Variants in ZNF665 observed in about 807,000 individuals in gnomAD.
ZNF665 encodes zinc finger protein 665.
In ZNF665, 6 loss-of-function variants were observed where a neutral mutation model predicts 7.9. That is an observed-to-expected ratio of 0.76 (90% confidence interval 0.42 to 1.50). ZNF665 has a LOEUF of 1.50. Ranked by LOEUF, ZNF665 falls within the 40% of genes most tolerant of loss-of-function variation. ZNF665 has a pLI of 0.01. For synonymous variants in ZNF665, 242 were observed against 274.5 expected, an observed-to-expected ratio of 0.88 and a Z score of 1.17; for missense variants, 819 against 806.7, an observed-to-expected ratio of 1.02 and a Z score of -0.18.
chr19:53,167,020 G>C (rs550392374), intron 3 of ZNF665, among the ~76,000 whole-genome samples: 4 of 146,486 alleles, frequency 2.7e-5, no homozygotes, highest in East Asian at 2.0e-4. Context: ...TCTTTTTTTT[G>C]AGAAGGACTT....
At position 53,166,386 on chromosome 19, in the gene ZNF665, T is replaced by G. The variant is rs191726004; in HGVS notation, c.143-39A>C. ...ACAACCATAGATTTCCAGTTAACTA[T>G]AGTAGGTAAATAACTATTTCCCATT... On this transcript the variant is annotated intron_variant, in intron 3 of 3. Transcript: ENST00000396424. 38 of 1,485,930 alleles carry G rather than the reference T, an allele frequency of 2.6e-5. No homozygotes were observed. In the African/African-American group the frequency reaches 4.8e-4, roughly 19 times the overall value. 92.0% of individuals were successfully genotyped at this position (1,485,930 alleles called of 1,614,324 possible).
chr19:53,185,514 A>C (rs959370024), intron 1 of ZNF665, among the ~76,000 whole-genome samples: 2 of 152,110 alleles, frequency 1.3e-5, no homozygotes, highest in African/African-American at 4.8e-5. Flanking sequence ...TTCATATATA[A>C]TCATAACTAA....
chr19:53,185,435 G>A (rs538942805), intron 1 of ZNF665, among the ~76,000 whole-genome samples: 2 of 152,202 alleles, frequency 1.3e-5, no homozygotes, highest in East Asian at 3.9e-4. Flanking sequence ...CCTAGGCTAT[G>A]ATTACAGAGG....
intron 1 of ZNF665, among the ~76,000 whole-genome samples, chr19:53,184,161 G>C (rs1472871191): frequency 6.6e-6 from 1 of 151,938 alleles, no homozygotes; most frequent in Non-Finnish European, 1.5e-5. Flanking sequence ...GAGGTAGGAG[G>C]ATGGCTTGAG....
At chr19:53,166,767 C>A (rs769221221) in intron 3 of ZNF665, among the ~76,000 whole-genome samples, 2 of 152,058 alleles carry the variant, frequency 1.3e-5, no homozygotes, top group East Asian at 1.9e-4. Flanking sequence ...ACATGATATA[C>A]TCTAATGGCA....
intron 3 of ZNF665, among the ~76,000 whole-genome samples, chr19:53,173,962 G>A (rs1355474511): frequency 2.6e-5 from 4 of 152,148 alleles, no homozygotes; most frequent in Non-Finnish European, 1.5e-5. Flanking sequence ...CCCACAAACT[G>A]TCACAAAGTG....
chr19:53,165,587 T>G lies in ZNF665; in HGVS notation c.903A>C (p.Gln301His). 6.2e-7 allele frequency: 1 copy of G among 1,614,140 alleles called. No individual in the cohort carries two copies. Among genetic ancestry groups the G allele is most frequent in the Non-Finnish European group, 8.5e-7 (1 of 1,180,018 alleles). Residue 301 changes from glutamine (Q) to histidine (H), a missense_variant, in exon 4 of 4, where the codon CAA (glutamine) becomes CAC (histidine). Gln to His is a conservative substitution (Grantham distance 24). Coordinates refer to ENST00000396424, the MANE Select transcript of ZNF665 (RefSeq NM_024733.5). ...TTCGATGACTTGCAAGGTGTGAATT[T>G]TGAGTGAAGCACTTGCCACATTCCT... ...KCKECGKCFT[Q>H]NSHLASHRRI...
chr19:53,189,749 T>G (rs9630862), intron 1 of ZNF665, among the ~76,000 whole-genome samples: 3 of 144,956 alleles, frequency 2.1e-5, no homozygotes, highest in Non-Finnish European at 4.6e-5. Context: ...GGTGGAGGAG[T>G]AGAGTCTTCT....
intron 1 of ZNF665, among the ~76,000 whole-genome samples, chr19:53,185,345 G>A (rs981666155): frequency 8.5e-5 from 13 of 152,092 alleles, no homozygotes; most frequent in Non-Finnish European, 1.8e-4. Context: ...GTCCGGGCAT[G>A]ACAGAGGGTT....
intron 3 of ZNF665, among the ~76,000 whole-genome samples, chr19:53,168,012 T>C (rs148280937): frequency 0.036 from 4,680 of 130,538 alleles, 301 homozygotes; most frequent in African/African-American, 0.13. Flanking sequence ...GCCGAGATTG[T>C]GCCATTGCAC....
Position 53,164,502 on chromosome 19 carries a change from A to C in ZNF665, c.1988T>G (p.Phe663Cys), listed in dbSNP as rs1218430035. Reference sequence around the variant, plus strand: ...TTTTGCAAGGTTTGAATTTTGAGTAAAGACCTTGCCACATTGGTTACATTT... The same window carrying C: ...TTTTGCAAGGTTTGAATTTTGAGTACAGACCTTGCCACATTGGTTACATTT... ...PYKCNQCGKV[F>C]TQNSNLAKHR... Residue 663 changes from phenylalanine to cysteine, a missense_variant, in exon 4 of 4, where the codon TTT (phenylalanine) becomes TGT (cysteine). Transcript: ENST00000396424. 6 of 1,608,194 alleles carry C rather than the reference A, an allele frequency of 3.7e-6. No homozygotes were observed. The highest frequency in any genetic ancestry group is 1.3e-5 in the African/African-American group (1 of 74,706).
rs750866776 is a variant in ZNF665, at chr19:53,176,655, T to C, written c.16-1084A>G. 1.5e-3 allele frequency among the ~76,000 whole-genome samples: 228 copies of C among 152,270 alleles called. 2 individuals carry two copies. The highest frequency in any genetic ancestry group is 2.6e-3 in the Non-Finnish European group (175 of 68,016). On this transcript the variant is annotated intron_variant, in intron 2 of 3. Transcript: ENST00000396424. Reference sequence around the variant, plus strand: ...TGAGGTGGCTGCACCCTTGTGGGACTGAGCCCTACACCTGTGGGATGTGAT... The same window carrying C: ...TGAGGTGGCTGCACCCTTGTGGGACCGAGCCCTACACCTGTGGGATGTGAT...
chr19:53,178,549 C>A (rs921609164), intron 2 of ZNF665, among the ~76,000 whole-genome samples: 5 of 151,926 alleles, frequency 3.3e-5, no homozygotes, highest in African/African-American at 1.2e-4. Flanking sequence ...CATAGCAAGA[C>A]CTTGTTTCTA....
In ZNF665 at chr19:53,165,868, A is replaced by G. The variant is rs1445904784; in HGVS notation, c.622T>C (p.Cys208Arg). The G allele has an allele frequency of 5.0e-6, 8 of 1,614,152 alleles. No individual in the cohort carries two copies. The highest frequency in any genetic ancestry group is 6.8e-6 in the Non-Finnish European group (8 of 1,180,014). The part of the protein sequence containing the change: ...RIHTGEKPYQ[C>R]NKCGKAFTVR... ...GTAAAGGCTTTGCCACACTTATTAC[A>G]CTGGTAAGGCTTCTCTCCAGTATGA... Residue 208 changes from cysteine to arginine, a missense_variant, in exon 4 of 4, where the codon TGT (cysteine) becomes CGT (arginine). Physicochemically the swap from Cys to Arg is radical, Grantham distance 180. Transcript: ENST00000396424.
In ZNF665 at chr19:53,166,301, C is replaced by T. The variant is rs1462741980; in HGVS notation, c.189G>A (p.Lys63=). 11 of 1,600,292 alleles carry T rather than the reference C, an allele frequency of 6.9e-6. No homozygotes were observed. The highest frequency in any genetic ancestry group is 6.7e-5 in the East Asian group (3 of 44,708). ...CVNTDLPPKG[K]NNMGEAFYTV... ...TGTAGAACGCTTCTCCCATATTGTTCTTCCCCTTTGGTGGCAAATCCGTGT... is the reference window on the plus strand; with the variant it reads ...TGTAGAACGCTTCTCCCATATTGTTTTTCCCCTTTGGTGGCAAATCCGTGT... The change falls in exon 4 of 4, where the codon AAG becomes AAA. Residue 63 remains lysine, a synonymous_variant. Transcript: ENST00000396424.
rs773151949 is a variant in ZNF665, at chr19:53,164,565, G to A, written c.1925C>T (p.Thr642Ile). Residue 642 changes from threonine (T) to isoleucine (I), a missense_variant, in exon 4 of 4, where the codon ACT becomes ATT. By Grantham distance (89) the Thr-to-Ile change is moderately conservative (BLOSUM62 -1). Coordinates refer to ENST00000396424, the MANE Select transcript of ZNF665 (RefSeq NM_024733.5). Reference sequence around the variant, plus strand: ...TCCAGTATGGACTGCCATATGGGTAGTTAGGGTTGAACGAACACTGAAGGC... The same window carrying A: ...TCCAGTATGGACTGCCATATGGGTAATTAGGGTTGAACGAACACTGAAGGC... Reference protein sequence around the residue: ...GKAFSVRSTLTTHMAVHTGDK... With the variant: ...GKAFSVRSTLITHMAVHTGDK... The A allele has an allele frequency of 1.2e-6, 2 of 1,614,158 alleles. No homozygotes were observed. Among genetic ancestry groups the A allele is most frequent in the Non-Finnish European group, 1.7e-6 (2 of 1,179,988 alleles).
intron 3 of ZNF665, among the ~76,000 whole-genome samples, 198 bp from the exon 4 acceptor site, chr19:53,166,545 A>G (rs2090617353): frequency 6.6e-6 from 1 of 152,222 alleles, no homozygotes; most frequent in Admixed American, 6.5e-5. Context: ...TAATTCAAAT[A>G]GTAGGGGATC....
Position 53,165,303 on chromosome 19 carries a change from T to C in ZNF665, c.1187A>G (p.His396Arg), listed in dbSNP as rs758266660. ...ACATTTGAAAGGCTTTTCTCCGGTATGGATGATCTGATGCTTAGTTAAGTT... is the reference window on the plus strand; with the variant it reads ...ACATTTGAAAGGCTTTTCTCCGGTACGGATGATCTGATGCTTAGTTAAGTT... ...HSNLTKHQII[H>R]TGEKPFKCNE... Residue 396 changes from histidine to arginine, a missense_variant, in exon 4 of 4, where the codon CAT (histidine) becomes CGT (arginine). Transcript: ENST00000396424. 1.7e-5 allele frequency: 27 copies of C among 1,613,262 alleles called. No homozygotes were observed. Among genetic ancestry groups the C allele is most frequent in the Non-Finnish European group, 2.2e-5 (26 of 1,179,582 alleles).
In ZNF665 at chr19:53,166,433, A is replaced by G. The variant is rs533092142; in HGVS notation, c.143-86T>C. On this transcript the variant is annotated intron_variant, in intron 3 of 3. Transcript: ENST00000396424. ...CATTGAAAAACCTAATGTTACACCA[A>G]AAGTAATAGTTATGTTGAACAGACT... The G allele has an allele frequency of 2.6e-5, 31 of 1,201,904 alleles. No individual in the cohort carries two copies. The East Asian group carries it at 6.8e-4, about 26-fold the overall frequency. The allele number at this position is 1,201,904 out of a possible 1,614,324, so 74.5% of individuals were successfully genotyped here.
Sources: gnomAD v4.1 joint callset for allele counts (sites outside exome capture counted in the v4.1 genomes callset) on GRCh38, gnomAD v4.1.1 for gene constraint, MANE v1.5 for transcripts, NCBI Gene and HGNC (gene_info 2026-07-23, HGNC 2026-07-21) for gene names.